MALRD1: variants seen among roughly 807,000 people sequenced by gnomAD.
MALRD1 encodes the protein MAM and LDL receptor class A domain containing 1.
In MALRD1, 247 loss-of-function variants were observed where a neutral mutation model predicts 242.1. The ratio of observed to expected loss-of-function variants is 1.02; its 90% CI spans 0.92 to 1.13. The LOEUF (loss-of-function observed/expected upper bound fraction) is 1.13, where lower values mean the gene tolerates loss of function less well. Among genes scored for constraint, MALRD1 ranks in the 50% most tolerant of loss-of-function variants. The probability of loss-of-function intolerance (pLI) is 0.00; values close to 1 mark genes in which losing one functional copy is unlikely to be tolerated. For synonymous variants in MALRD1, 995 were observed against 866.6 expected (o/e 1.15, Z -2.60); for missense variants, 2,989 against 2,533.1 (o/e 1.18, Z -3.86).
chr10:19,580,396 A>C (rs1157867356), intron 33 of MALRD1, among the ~76,000 whole-genome samples: 1 of 152,042 alleles, frequency 6.6e-6, no homozygotes, highest in African/African-American at 2.4e-5. Flanking sequence ...CAGCCTCTGT[A>C]TGTGCTGGAG....
chr10:19,548,679 C>T (rs1398562935), intron 32 of MALRD1, among the ~76,000 whole-genome samples: 1 of 152,094 alleles, frequency 6.6e-6, no homozygotes, highest in African/African-American at 2.4e-5. Flanking sequence ...TTGATAAATA[C>T]TGTGTGTGTT....
In MALRD1 at chr10:19,567,551, T is replaced by C. The variant is rs1428841712; in HGVS notation, c.5528T>C (p.Ile1843Thr). ...CTAAACATCCTGGTGTGGTCAGTGATTGGAAATAAAAGAACGGGATGGACA... is the reference window on the plus strand; with the variant it reads ...CTAAACATCCTGGTGTGGTCAGTGACTGGAAATAAAAGAACGGGATGGACA... ...SGLNILVWSV[I>T]GNKRTGWTYG... The change falls in exon 33 of 40, where the codon ATT becomes ACT. Residue 1843 changes from isoleucine (I) to threonine (T), a missense_variant. Transcript: ENST00000454679. 3.9e-6 allele frequency: 6 copies of C among 1,550,434 alleles called. No individual in the cohort carries two copies. Among genetic ancestry groups the C allele is most frequent in the Non-Finnish European group, 5.2e-6 (6 of 1,146,930 alleles).
intron 4 of MALRD1, among the ~76,000 whole-genome samples, chr10:19,096,375 T>C (rs188677003): frequency 2.0e-5 from 3 of 152,314 alleles, no homozygotes; most frequent in Admixed American, 2.0e-4. Context: ...CTAAAGCAGA[T>C]ACGTGTGCAA....
intron 23 of MALRD1, among the ~76,000 whole-genome samples, chr10:19,328,906 G>T (rs989598129): frequency 1.3e-5 from 2 of 150,862 alleles, no homozygotes; most frequent in Non-Finnish European, 3.0e-5. Flanking sequence ...AGAAATCTCA[G>T]CAAGAACATG....
At chr10:19,730,579 A>G (rs978699470) in intron 38 of MALRD1, 127 bp from the exon 39 acceptor site, 5 of 954,522 alleles carry the variant, frequency 5.2e-6, no homozygotes, top group Non-Finnish European at 8.1e-6. Context: ...ATGGTAATAC[A>G]TTCATGAAAA....
At chr10:19,340,216 A>C (rs1203114364) in intron 24 of MALRD1, among the ~76,000 whole-genome samples, 1 of 152,180 alleles carries the variant, frequency 6.6e-6, no homozygotes, top group Non-Finnish European at 1.5e-5. Context: ...AGAAATAATC[A>C]CATCACAGAG....
chr10:19,350,889 T>A, intron 25 of MALRD1, among the ~76,000 whole-genome samples: 1 of 152,160 alleles, frequency 6.6e-6, no homozygotes, highest in Non-Finnish European at 1.5e-5. Context: ...ACTTTGTTTC[T>A]CACTCAAATG....
At chr10:19,428,393 C>A (rs571909488) in intron 28 of MALRD1, among the ~76,000 whole-genome samples, 1 of 152,102 alleles carries the variant, frequency 6.6e-6, no homozygotes, top group Admixed American at 6.5e-5. Context: ...AAATCTTTAA[C>A]TCTGAAATTT....
chr10:19,471,480 A>T (rs1372324051), intron 29 of MALRD1, among the ~76,000 whole-genome samples: 2 of 151,694 alleles, frequency 1.3e-5, no homozygotes, highest in African/African-American at 4.8e-5. Context: ...AACGACTTAG[A>T]ATTTGGATGT....
chr10:19,464,376 T>A (rs1421823151), intron 29 of MALRD1, among the ~76,000 whole-genome samples: 1 of 152,218 alleles, frequency 6.6e-6, no homozygotes, highest in Non-Finnish European at 1.5e-5. Context: ...CATCTTGAGT[T>A]GATTTTTGTA....
intron 32 of MALRD1, among the ~76,000 whole-genome samples, chr10:19,558,085 C>A (rs1564439375): frequency 6.6e-6 from 1 of 151,840 alleles, no homozygotes; most frequent in Non-Finnish European, 1.5e-5. Context: ...ACTAAATTTG[C>A]ATATTATTCT....
chr10:19,194,147 A>G (rs932888665), intron 14 of MALRD1, among the ~76,000 whole-genome samples: 2 of 152,150 alleles, frequency 1.3e-5, no homozygotes, highest in African/African-American at 2.4e-5. Flanking sequence ...TATTAACATG[A>G]GCTGACTAAT....
intron 36 of MALRD1, among the ~76,000 whole-genome samples, chr10:19,668,892 C>T (rs117907021): frequency 6.6e-6 from 1 of 152,116 alleles, no homozygotes; most frequent in Non-Finnish European, 1.5e-5. Flanking sequence ...AGAAAATGGA[C>T]CAGGGAGAAA....
At chr10:19,098,731 GA>G (rs1836136626) in intron 4 of MALRD1, among the ~76,000 whole-genome samples, 1 of 152,150 alleles carries the variant, frequency 6.6e-6, no homozygotes, top group African/African-American at 2.4e-5. Context: ...TCATGCCAAG[GA>G]AATCAAAGAC....
chr10:19,409,297 G>T (rs1004807390), intron 28 of MALRD1, among the ~76,000 whole-genome samples: 2 of 152,062 alleles, frequency 1.3e-5, no homozygotes, highest in African/African-American at 4.8e-5. Context: ...TTCAGAAATA[G>T]ATAACAGGCT....
chr10:19,514,649 A>G (rs925239461), intron 31 of MALRD1, among the ~76,000 whole-genome samples: 2 of 152,184 alleles, frequency 1.3e-5, no homozygotes, highest in African/African-American at 4.8e-5. Context: ...AGAAAGGTAC[A>G]TAGTTATAGG....
chr10:19,575,007 G>A (rs2131486169), intron 33 of MALRD1, among the ~76,000 whole-genome samples: 1 of 152,308 alleles, frequency 6.6e-6, no homozygotes, highest in South Asian at 2.1e-4. Flanking sequence ...GGATTGGAAA[G>A]ACAGGTAGGA....
At chr10:19,657,002 C>T (rs969727124) in intron 36 of MALRD1, among the ~76,000 whole-genome samples, 6 of 152,126 alleles carry the variant, frequency 3.9e-5, no homozygotes, top group African/African-American at 9.7e-5. Context: ...AATGTAGATA[C>T]GGATCGAATA....
chr10:19,337,634 T>A (rs974541697), intron 24 of MALRD1, among the ~76,000 whole-genome samples: 3 of 152,210 alleles, frequency 2.0e-5, no homozygotes, highest in Non-Finnish European at 4.4e-5. Flanking sequence ...TTCTTTAGAA[T>A]TCTAAATCTT....
Sources: allele counts gnomAD v4.1 joint callset (sites outside exome capture counted in the v4.1 genomes callset), GRCh38; gene constraint gnomAD v4.1.1; transcripts MANE v1.5; gene names NCBI Gene and HGNC (gene_info 2026-07-23, HGNC 2026-07-21).